The following PLSCR2 variants were observed in gnomAD, a reference collection of about 807,000 sequenced individuals.
The protein encoded by PLSCR2 is phospholipid scramblase 2.
Under a neutral mutation model 25.3 loss-of-function variants are expected in PLSCR2, and 18 were observed. The ratio of observed to expected loss-of-function variants is 0.71; its 90% confidence interval spans 0.49 to 1.06. PLSCR2 has a LOEUF of 1.06. PLSCR2 is among the 50% of genes least tolerant of loss of function. The probability of loss-of-function intolerance (pLI) is 0.00; values close to 1 mark genes in which losing one functional copy is unlikely to be tolerated. For missense variants in PLSCR2, 243 were observed against 269.5 expected (o/e 0.90, Z 0.69); for synonymous variants, 88 against 87.3 (o/e 1.01, Z -0.04).
upstream of PLSCR2, among the ~76,000 whole-genome samples, chr3:146,460,443 G>GAAAAAAAAAAAAAAAAAAA (rs59446001): frequency 1.5e-5 from 2 of 133,772 alleles, no homozygotes. Flanking sequence ...GATGAAATTG[G>GAAAAAAAAAAAAAAAAAAA]AAAAAAAAAA....
At chr3:146,483,498 TATATATATATA>T (rs2043229925) in intron 1 of PLSCR2, among the ~76,000 whole-genome samples, 9 of 125,094 alleles carry the variant, frequency 7.2e-5, no homozygotes, top group African/African-American at 2.3e-4. Flanking sequence ...TATATATATA[TATATATATATA>T]ATGTTACTAC....
intron 1 of PLSCR2, among the ~76,000 whole-genome samples, chr3:146,493,782 C>CTTT (rs1560066124): frequency 5.8e-5 from 3 of 51,944 alleles, no homozygotes; most frequent in East Asian, 1.1e-3. Context: ...TCCAAGGTGG[C>CTTT]GTTTTTTTTT....
chr3:146,474,737 A>C (rs930720566), intron 1 of PLSCR2, among the ~76,000 whole-genome samples: 5 of 152,032 alleles, frequency 3.3e-5, no homozygotes, highest in Admixed American at 3.3e-4. Context: ...GTGTTTTCCA[A>C]CTTCTTTTCA....
intron 4 of PLSCR2, among the ~76,000 whole-genome samples, chr3:146,454,547 A>G (rs1312242896): frequency 7.2e-5 from 11 of 152,276 alleles, no homozygotes; most frequent in African/African-American, 1.9e-4. Flanking sequence ...ATGGAAGACT[A>G]AGTTACCCAG....
upstream of PLSCR2, among the ~76,000 whole-genome samples, chr3:146,464,972 C>A (rs766962881): frequency 2.0e-5 from 3 of 152,080 alleles, no homozygotes; most frequent in Non-Finnish European, 4.4e-5. Context: ...CAGATCAAAT[C>A]AAAATGGAGT....
At chr3:146,441,775 C>G in exon 7 of PLSCR2, 1 of 1,579,706 alleles carries the variant, frequency 6.3e-7, no homozygotes, top group East Asian at 2.3e-5. Flanking sequence ...CACTCCCACA[C>G]TCTGACATTC....
chr3:146,439,038 T>C (rs2040066226), downstream of PLSCR2, among the ~76,000 whole-genome samples: 1 of 152,214 alleles, frequency 6.6e-6, no homozygotes, highest in African/African-American at 2.4e-5. Context: ...TTATGAAGCT[T>C]AATTTGGCTG....
At chr3:146,454,635 C>A (rs772501281) in intron 4 of PLSCR2, among the ~76,000 whole-genome samples, 3 of 152,138 alleles carry the variant, frequency 2.0e-5, no homozygotes, top group Non-Finnish European at 4.4e-5. Flanking sequence ...ACTGTCTTCT[C>A]TGAAATCATA....
At chr3:146,485,118 A>G (rs1030970160) in intron 1 of PLSCR2, among the ~76,000 whole-genome samples, 80 of 152,108 alleles carry the variant, frequency 5.3e-4, no homozygotes, top group African/African-American at 1.9e-3. Context: ...GGAAAGAAAA[A>G]AAAAAAAAGC....
intron 1 of PLSCR2, among the ~76,000 whole-genome samples, chr3:146,486,111 GA>G (rs2043330859): frequency 6.6e-6 from 1 of 152,088 alleles, no homozygotes; most frequent in Non-Finnish European, 1.5e-5. Flanking sequence ...GAAGTTATTT[GA>G]AACCAATGAG....
chr3:146,429,205 T>C (rs2039459380), downstream of PLSCR2, among the ~76,000 whole-genome samples: 1 of 152,068 alleles, frequency 6.6e-6, no homozygotes, highest in African/African-American at 2.4e-5. Flanking sequence ...ACAATCAAGA[T>C]GAAAGGTGAA....
intron 2 of PLSCR2, among the ~76,000 whole-genome samples, chr3:146,427,739 C>T (rs1461459242): frequency 6.6e-6 from 1 of 152,160 alleles, no homozygotes; most frequent in Non-Finnish European, 1.5e-5. Context: ...ATTCCCAATA[C>T]TTAGTTTCTA....
intron 6 of PLSCR2, among the ~76,000 whole-genome samples, chr3:146,444,828 C>T (rs146772037): frequency 2.0e-5 from 3 of 151,740 alleles, no homozygotes; most frequent in Non-Finnish European, 4.4e-5. Context: ...TTGTGATCTT[C>T]TCTTCCTTCT....
intron 2 of PLSCR2, chr3:146,395,966 CA>C: frequency 7.2e-6 from 2 of 278,968 alleles, no homozygotes; most frequent in East Asian, 1.3e-4. Flanking sequence ...ATCTGTGAGA[CA>C]AAAAGTTATT....
intron 2 of PLSCR2, among the ~76,000 whole-genome samples, chr3:146,396,310 T>G (rs2038269576): frequency 6.6e-6 from 1 of 152,158 alleles, no homozygotes; most frequent in Non-Finnish European, 1.5e-5. Flanking sequence ...CCTTTACTTT[T>G]TCCTCATTTT....
chr3:146,483,071 A>T (rs1402005976), intron 1 of PLSCR2, among the ~76,000 whole-genome samples: 1 of 152,018 alleles, frequency 6.6e-6, no homozygotes, highest in Non-Finnish European at 1.5e-5. Flanking sequence ...GAGGAAGTCA[A>T]ATTGTCCCTG....
intron 1 of PLSCR2, among the ~76,000 whole-genome samples, chr3:146,488,877 T>C (rs1249938062): frequency 1.3e-5 from 2 of 152,250 alleles, no homozygotes; most frequent in Admixed American, 6.5e-5. Flanking sequence ...TGTATGTTAA[T>C]TGCAGCACTA....
chr3:146,458,607 A>C (rs1384222144), intron 2 of PLSCR2, among the ~76,000 whole-genome samples, 154 bp from the exon 3 acceptor site: 2 of 152,080 alleles, frequency 1.3e-5, no homozygotes, highest in African/African-American at 2.4e-5. Context: ...TGTAAAACTA[A>C]AGTTAACATA....
intron 2 of PLSCR2, among the ~76,000 whole-genome samples, chr3:146,426,399 G>A (rs1329386610): frequency 6.6e-6 from 1 of 151,794 alleles, no homozygotes; most frequent in Non-Finnish European, 1.5e-5. Context: ...TTCATTTTCA[G>A]ACAAAGAACT....
Sources: allele counts gnomAD v4.1 joint callset (sites outside exome capture counted in the v4.1 genomes callset), GRCh38; gene constraint gnomAD v4.1.1; transcripts MANE v1.5; gene names NCBI Gene and HGNC (gene_info 2026-07-23, HGNC 2026-07-21).